VSTM2B: variants seen among roughly 807,000 people sequenced by gnomAD.
VSTM2B encodes V-set and transmembrane domain containing 2B.
A neutral mutation model predicts 24.0 loss-of-function variants in VSTM2B; 24 were observed. That is an observed-to-expected ratio of 1.00 (90% confidence interval 0.72 to 1.40). The LOEUF is 1.40. Among genes scored for constraint, VSTM2B ranks in the 40% most tolerant of loss-of-function variants. The pLI is 0.00. For synonymous variants in VSTM2B, 226 were observed against 194.4 expected (o/e 1.16, Z -1.35); for missense variants, 399 against 416.4 (o/e 0.96, Z 0.36).
At position 29,564,115 on chromosome 19, in the gene VSTM2B, A is replaced by G. The variant is rs1351766475; in HGVS notation, c.*181A>G. ...AAATGTAGAACACCTAAAATAATGC[A>G]TCTAGTTTCCAAATAATTTGGAGTT... On this transcript the variant is annotated 3_prime_UTR_variant, in exon 5 of 5. Coordinates refer to ENST00000335523, the MANE Select transcript of VSTM2B (RefSeq NM_001146339.2). The G allele has an allele frequency of 1.8e-5, 10 of 562,630 alleles. No homozygotes were observed. Among genetic ancestry groups the G allele is most frequent in the Non-Finnish European group, 3.2e-5 (10 of 316,764 alleles). 34.9% of individuals were successfully genotyped at this position (562,630 alleles called of 1,614,324 possible).
chr19:29,528,036 G>C (rs926555613), intron 2 of VSTM2B, among the ~76,000 whole-genome samples: 4 of 152,184 alleles, frequency 2.6e-5, no homozygotes, highest in African/African-American at 9.6e-5. Context: ...CCTCCCGCTG[G>C]GTGCTGTCCA....
Position 29,526,331 on chromosome 19 carries a change from C to G in VSTM2B, c.-253C>G, listed in dbSNP as rs1435005430. On this transcript the variant is annotated 5_prime_UTR_variant, in exon 1 of 5. Transcript: ENST00000335523. This position sits in a 1 kb window ranked among gnomAD's most constrained non-coding sequence, Gnocchi z 4.1. ...CGACCGGACAGAGAGAGGCACTGACCGATCGCCAGCAGCCTCCCGGTGGGA... is the reference window on the plus strand; with the variant it reads ...CGACCGGACAGAGAGAGGCACTGACGGATCGCCAGCAGCCTCCCGGTGGGA... Among the ~76,000 whole-genome samples, 2 of 151,828 alleles carry G rather than the reference C, an allele frequency of 1.3e-5. No individual in the cohort carries two copies. Among genetic ancestry groups the G allele is most frequent in the Admixed American group, 1.3e-4 (2 of 15,256 alleles).
chr19:29,560,857 C>G (rs1428685860), intron 4 of VSTM2B, among the ~76,000 whole-genome samples: 1 of 152,182 alleles, frequency 6.6e-6, no homozygotes, highest in Admixed American at 6.5e-5. Flanking sequence ...ACAAGGTTCA[C>G]GTTGCCAGGC....
rs746859863 is a variant in VSTM2B at position 29,563,850 on chromosome 19, C to T, written c.774C>T (p.Thr258=). 55 of 1,552,014 alleles carry T rather than the reference C, an allele frequency of 3.5e-5. No individual in the cohort carries two copies. In the East Asian group the frequency reaches 7.1e-4, roughly 20 times the overall value. Residue 258 remains threonine, a synonymous_variant, in exon 5 of 5, where the codon ACC becomes ACT. Coordinates refer to ENST00000335523, the MANE Select transcript of VSTM2B (RefSeq NM_001146339.2). The part of the protein sequence containing the change: ...VLLRQRHGSG[T]GRSYTTDPLL... Reference sequence around the variant, plus strand: ...CTGTTTTCTCATCCCCTGCAGGCACCGGCCGTAGCTACACCACAGACCCAC... The same window carrying T: ...CTGTTTTCTCATCCCCTGCAGGCACTGGCCGTAGCTACACCACAGACCCAC...
intron 1 of VSTM2B, 183 bp from the exon 2 acceptor site, chr19:29,527,028 T>C (rs1969592079): frequency 3.5e-6 from 2 of 570,128 alleles, no homozygotes; most frequent in East Asian, 6.2e-5. Flanking sequence ...CGATGGCCGG[T>C]CCCTGCCTCG....
chr19:29,543,483 AAGGACTGCTGTT>A (rs1456857337), intron 4 of VSTM2B, among the ~76,000 whole-genome samples: 66 of 152,364 alleles, frequency 4.3e-4, no homozygotes, highest in African/African-American at 1.4e-3. Context: ...TGTAATGGGA[AAGGACTGCTGTT>A]AGGTCCTGCA....
rs1306103631 is a variant in VSTM2B, at chr19:29,541,559, G to GATGAATGGATGGGATA, written c.769+11282_769+11297dup. 5.9e-5 allele frequency among the ~76,000 whole-genome samples: 9 copies of GATGAATGGATGGGATA among 152,094 alleles called. 1 individual carries two copies. The highest frequency in any genetic ancestry group is 2.2e-4 in the African/African-American group (9 of 41,478). On this transcript the variant is annotated intron_variant, in intron 4 of 4. Coordinates refer to ENST00000335523, the MANE Select transcript of VSTM2B (RefSeq NM_001146339.2). The stretch of plus-strand genomic sequence containing the variant: ...GAATTAATAGATGGGTGGAAGGAAG[G>GATGAATGGATGGGATA]ATGAATGGATGGGATAATGAATGGA...
In VSTM2B at chr19:29,526,871, C is replaced by A. The variant is rs1026400297; in HGVS notation, c.82+206C>A. 3 of 506,516 alleles carry A rather than the reference C, an allele frequency of 5.9e-6. No individual in the cohort carries two copies. The highest frequency in any genetic ancestry group is 1.0e-5 in the Non-Finnish European group (3 of 296,482). 31.4% of individuals were successfully genotyped at this position (506,516 alleles called of 1,614,324 possible). The stretch of plus-strand genomic sequence containing the variant: ...GCCGCGCCCGAGTCGTTCCCAGTCC[C>A]GCCGGGGCCCCGGCTGCGGAAAGGA... On this transcript the variant is annotated intron_variant, in intron 1 of 4. Transcript: ENST00000335523. The surrounding 1 kb of genome is among the most constrained non-coding windows in gnomAD (Gnocchi z 4.1).
At chr19:29,544,249 G>C (rs1317138223) in intron 4 of VSTM2B, among the ~76,000 whole-genome samples, 1 of 151,696 alleles carries the variant, frequency 6.6e-6, no homozygotes. Context: ...ATGTGCGGCC[G>C]GGCGCGGTGG....
intron 4 of VSTM2B, among the ~76,000 whole-genome samples, chr19:29,560,090 G>T (rs1970492888): frequency 6.6e-6 from 1 of 152,118 alleles, no homozygotes; most frequent in Admixed American, 6.5e-5. Flanking sequence ...TGTGACAGTG[G>T]GTTCTAGGAG....
chr19:29,532,640 T>C (rs570875917), intron 4 of VSTM2B, among the ~76,000 whole-genome samples: 12 of 152,336 alleles, frequency 7.9e-5, no homozygotes, highest in Non-Finnish European at 1.8e-4. Flanking sequence ...TGACTTACCA[T>C]CTCTGAGTCA....
intron 4 of VSTM2B, among the ~76,000 whole-genome samples, chr19:29,550,435 ATCAG>A (rs1164627357): frequency 2.6e-5 from 4 of 152,166 alleles, no homozygotes; most frequent in Non-Finnish European, 5.9e-5. Flanking sequence ...CTGTCAATCA[ATCAG>A]TCAATCAATC....
chr19:29,530,275 C>G lies in VSTM2B; in HGVS notation c.754C>G (p.Gln252Glu). The change falls in exon 4 of 5, where the codon CAG becomes GAG. Residue 252 changes from glutamine (Q) to glutamate (E), a missense_variant. Coordinates refer to ENST00000335523, the MANE Select transcript of VSTM2B (RefSeq NM_001146339.2). ...ATCGGGACAGGCGGTCCTGCTGCGCCAGAGGCACGGCTCGGGTAAGGGATC... is the reference window on the plus strand; with the variant it reads ...ATCGGGACAGGCGGTCCTGCTGCGCGAGAGGCACGGCTCGGGTAAGGGATC... ...PPSGQAVLLR[Q>E]RHGSGTGRSY... 1 of 1,501,980 alleles carries G rather than the reference C, an allele frequency of 6.7e-7. No individual in the cohort carries two copies. Among genetic ancestry groups the G allele is most frequent in the South Asian group, 1.2e-5 (1 of 80,940 alleles). The allele number at this position is 1,501,980 out of a possible 1,614,324, so 93.0% of individuals were successfully genotyped here. A position where few individuals can be genotyped will look rare whatever the true frequency, so the allele number is the denominator to read the frequency against.
chr19:29,533,682 AC>A (rs1454606967), intron 4 of VSTM2B, among the ~76,000 whole-genome samples: 4 of 152,110 alleles, frequency 2.6e-5, no homozygotes, highest in Non-Finnish European at 2.9e-5. Flanking sequence ...GTCCCACCTC[AC>A]CCCGGTCACC....
upstream of VSTM2B, chr19:29,525,423 C>G (rs1428899669): frequency 6.7e-6 from 1 of 149,602 alleles, no homozygotes; most frequent in Non-Finnish European, 1.5e-5. Flanking sequence ...CCGTCACTCA[C>G]GGCCGCTGCG....
At chr19:29,529,046 G>A (rs982304898) in intron 3 of VSTM2B, 6 of 985,486 alleles carry the variant, frequency 6.1e-6, no homozygotes, top group Non-Finnish European at 7.2e-6. Context: ...CCCACCTGGA[G>A]CGTAGAAAGG....
rs1969573934 is a variant in VSTM2B at position 29,526,573 on chromosome 19, C to T, written c.-11C>T. On this transcript the variant is annotated 5_prime_UTR_variant, in exon 1 of 5. Coordinates refer to ENST00000335523, the MANE Select transcript of VSTM2B (RefSeq NM_001146339.2). The surrounding 1 kb of genome is among the most constrained non-coding windows in gnomAD (Gnocchi z 4.1). ...CCCGGGCCCCCGCCGCCACCGCGCCCCCCGCGGGAGATGGAACAGCGGAAC... is the reference window on the plus strand; with the variant it reads ...CCCGGGCCCCCGCCGCCACCGCGCCTCCCGCGGGAGATGGAACAGCGGAAC... The T allele has an allele frequency of 2.0e-6, 3 of 1,509,412 alleles. No homozygotes were observed. The highest frequency in any genetic ancestry group is 2.1e-4 in the Middle Eastern group (1 of 4,748). The allele number at this position is 1,509,412 out of a possible 1,614,324, so 93.5% of individuals were successfully genotyped here.
At chr19:29,531,470 C>G (rs894684948) in intron 4 of VSTM2B, among the ~76,000 whole-genome samples, 10 of 152,218 alleles carry the variant, frequency 6.6e-5, no homozygotes, top group African/African-American at 2.4e-4. Context: ...GTCTTCATGT[C>G]CTTAGTGTCA....
intron 4 of VSTM2B, among the ~76,000 whole-genome samples, chr19:29,556,124 T>G (rs1970402509): frequency 6.6e-6 from 1 of 151,528 alleles, no homozygotes; most frequent in Non-Finnish European, 1.5e-5. Context: ...AAAGAAAACT[T>G]TAAGCCAATA....
Sources: gnomAD v4.1 joint callset for allele counts (sites outside exome capture counted in the v4.1 genomes callset) on GRCh38, gnomAD v4.1.1 for gene constraint, Gnocchi (gnomAD v3.1) non-coding constraint, MANE v1.5 for transcripts, NCBI Gene and HGNC (gene_info 2026-07-23, HGNC 2026-07-21) for gene names.